SNX29: variants seen among roughly 807,000 people sequenced by gnomAD.
SNX29 encodes sorting nexin 29, also known as sorting nexin-29.
In SNX29, 78 loss-of-function variants were observed where a neutral mutation model predicts 102.1. The observed-to-expected ratio is 0.76, with a 90% CI of 0.64 to 0.92. SNX29 has a LOEUF of 0.92. Ranked by LOEUF, SNX29 falls within the 40% of genes least tolerant of loss-of-function variation. SNX29 has a pLI of 0.00. For missense variants in SNX29, 1,280 were observed against 1,061.7 expected (o/e 1.21, Z -2.86); for synonymous variants, 580 against 414.5 (o/e 1.40, Z -4.85).
intron 20 of SNX29, among the ~76,000 whole-genome samples, chr16:12,548,539 G>A (rs926548886): frequency 6.6e-6 from 1 of 152,170 alleles, no homozygotes; most frequent in Admixed American, 6.5e-5. Context: ...AGCCTTCTGG[G>A]AATTCCCTCT....
At chr16:12,358,287 A>G (rs2082200634) in intron 16 of SNX29, among the ~76,000 whole-genome samples, 1 of 152,182 alleles carries the variant, frequency 6.6e-6, no homozygotes, top group African/African-American at 2.4e-5. Context: ...TTCCTGGCCC[A>G]TAATTCCCGT....
At chr16:12,304,646 G>C (rs1398275686) in intron 15 of SNX29, among the ~76,000 whole-genome samples, 1 of 152,156 alleles carries the variant, frequency 6.6e-6, no homozygotes, top group Admixed American at 6.6e-5. Flanking sequence ...ACCTGCCTTG[G>C]CCTCCCAAAG....
intron 18 of SNX29, among the ~76,000 whole-genome samples, chr16:12,410,068 C>T (rs1166514814): frequency 5.3e-5 from 8 of 152,036 alleles, no homozygotes; most frequent in Non-Finnish European, 7.4e-5. Flanking sequence ...AATCTCGGTT[C>T]ACTGCAAGCT....
intron 13 of SNX29, among the ~76,000 whole-genome samples, chr16:12,159,063 C>T (rs946006822): frequency 3.3e-5 from 5 of 152,184 alleles, no homozygotes; most frequent in African/African-American, 1.2e-4. Flanking sequence ...GTAGAAAGCA[C>T]ATCTTGTGCA....
chr16:12,317,512 A>G (rs570503309), intron 15 of SNX29, among the ~76,000 whole-genome samples: 2 of 152,316 alleles, frequency 1.3e-5, no homozygotes, highest in Admixed American at 6.5e-5. Context: ...CTTTAGAGCC[A>G]CAGTGGCCTC....
intron 14 of SNX29, among the ~76,000 whole-genome samples, chr16:12,226,036 C>G (rs2077602331): frequency 6.6e-6 from 1 of 152,182 alleles, no homozygotes; most frequent in South Asian, 2.1e-4. Context: ...GGTACTAAAC[C>G]CCTCGCATAC....
At chr16:12,507,537 A>G (rs1389016724) in intron 19 of SNX29, among the ~76,000 whole-genome samples, 1 of 152,108 alleles carries the variant, frequency 6.6e-6, no homozygotes, top group African/African-American at 2.4e-5. Context: ...GCTTGTGTGT[A>G]GATCCCAGAT....
intron 15 of SNX29, among the ~76,000 whole-genome samples, chr16:12,310,430 A>C (rs2080500811): frequency 6.6e-6 from 1 of 152,254 alleles, no homozygotes; most frequent in African/African-American, 2.4e-5. Context: ...ATTGGCAGTG[A>C]AAAGATACAC....
chr16:12,563,152 A>G (rs67581461), intron 20 of SNX29, among the ~76,000 whole-genome samples: 35 of 151,838 alleles, frequency 2.3e-4, no homozygotes, highest in South Asian at 8.3e-4. Flanking sequence ...TCCCAGCTCC[A>G]GGGGGGGCAA....
At chr16:12,191,197 G>T (rs947229494) in intron 13 of SNX29, among the ~76,000 whole-genome samples, 3 of 152,174 alleles carry the variant, frequency 2.0e-5, no homozygotes, top group African/African-American at 7.2e-5. Context: ...ATCTAAGGCT[G>T]CTGCTGATCT....
intron 1 of SNX29, among the ~76,000 whole-genome samples, chr16:11,989,993 C>G (rs150017820): frequency 3.3e-5 from 5 of 152,264 alleles, no homozygotes; most frequent in Non-Finnish European, 7.4e-5. Context: ...TTGAAGTGTA[C>G]AAGGTTTGGG....
At chr16:12,468,721 A>G (rs949429815) in intron 18 of SNX29, among the ~76,000 whole-genome samples, 2 of 152,184 alleles carry the variant, frequency 1.3e-5, no homozygotes, top group Non-Finnish European at 2.9e-5. Context: ...GGTATACAAC[A>G]GGCCACCTGG....
Position 12,571,856 on chromosome 16 carries a change from T to C in SNX29, c.*3227T>C. On this transcript the variant is annotated 3_prime_UTR_variant, in exon 21 of 21. Coordinates refer to ENST00000566228, the MANE Select transcript of SNX29 (RefSeq NM_032167.5). Reference sequence around the variant, plus strand: ...TAGCAGTATGCTCCAATCACGTTGCTGGCAAGGCATTTTAGAGTTTGGAGC... The same window carrying C: ...TAGCAGTATGCTCCAATCACGTTGCCGGCAAGGCATTTTAGAGTTTGGAGC... 2.8e-6 allele frequency: 3 copies of C among 1,061,020 alleles called. No homozygotes were observed. Among genetic ancestry groups the C allele is most frequent in the Non-Finnish European group, 3.4e-6 (3 of 876,338 alleles). The allele number at this position is 1,061,020 out of a possible 1,614,324, so 65.7% of individuals were successfully genotyped here.
chr16:12,534,000 A>G (rs2077000955), intron 20 of SNX29, among the ~76,000 whole-genome samples: 1 of 152,250 alleles, frequency 6.6e-6, no homozygotes, highest in Non-Finnish European at 1.5e-5. Flanking sequence ...TGTACCTTAA[A>G]AGCCTTCCAG....
At chr16:12,070,258 T>C (rs571579057) in intron 10 of SNX29, among the ~76,000 whole-genome samples, 2 of 151,794 alleles carry the variant, frequency 1.3e-5, no homozygotes, top group African/African-American at 4.8e-5. Context: ...ACATGTGCCA[T>C]GCTGGTGTGC....
intron 18 of SNX29, among the ~76,000 whole-genome samples, chr16:12,476,451 A>G (rs548081423): frequency 3.4e-4 from 31 of 91,032 alleles, no homozygotes; most frequent in African/African-American, 1.1e-3. Context: ...TATGATGAGA[A>G]TTGCATTCAG....
At chr16:12,498,070 G>A (rs893330909) in intron 19 of SNX29, among the ~76,000 whole-genome samples, 12 of 152,214 alleles carry the variant, frequency 7.9e-5, no homozygotes, top group African/African-American at 2.9e-4. Flanking sequence ...AGAGACTGGG[G>A]AAGGGTCAGA....
At chr16:11,988,266 C>T (rs1037549079) in intron 1 of SNX29, among the ~76,000 whole-genome samples, 1 of 149,838 alleles carries the variant, frequency 6.7e-6, no homozygotes, top group East Asian at 2.0e-4. Context: ...TGCACTCCAG[C>T]CTGGGCGACA....
intron 16 of SNX29, among the ~76,000 whole-genome samples, chr16:12,374,175 A>C (rs1176192792): frequency 6.6e-6 from 1 of 152,188 alleles, no homozygotes; most frequent in Non-Finnish European, 1.5e-5. Context: ...ATGACACTTC[A>C]CCTATTTATT....
Sources: gnomAD v4.1 joint callset for allele counts (sites outside exome capture counted in the v4.1 genomes callset) on GRCh38, gnomAD v4.1.1 for gene constraint, MANE v1.5 for transcripts, NCBI Gene and HGNC (gene_info 2026-07-23, HGNC 2026-07-21) for gene names.